Variants in CHRM3 observed in about 807,000 individuals in gnomAD.
CHRM3 encodes the protein cholinergic receptor muscarinic 3.
CHRM3 carries 11 observed loss-of-function variants against 41.8 expected under a neutral mutation model. That is an observed-to-expected ratio of 0.26 (90% confidence interval 0.17 to 0.44). The LOEUF (loss-of-function observed/expected upper bound fraction) is 0.44. Among genes scored for constraint, CHRM3 ranks in the 20% least tolerant of loss-of-function variants. The pLI, the probability that CHRM3 is intolerant of heterozygous loss-of-function variation, is 1.00. For synonymous variants in CHRM3, 297 were observed against 301.4 expected (o/e 0.99, Z 0.15); for missense variants, 571 against 745.4 (o/e 0.77, Z 2.72).
intron 2 of CHRM3, among the ~76,000 whole-genome samples, chr1:239,539,440 T>C (rs1658521804): frequency 6.6e-6 from 1 of 152,148 alleles, no homozygotes; most frequent in Admixed American, 6.5e-5. Flanking sequence ...GTCTCAGCCG[T>C]CACTCTTATC....
intron 3 of CHRM3, among the ~76,000 whole-genome samples, chr1:239,556,563 A>G (rs1660373696): frequency 1.3e-5 from 2 of 152,166 alleles, no homozygotes; most frequent in Admixed American, 1.3e-4. Context: ...CCAAAGTACT[A>G]ACAACCTGCA....
chr1:239,451,665 A>G (rs1367835654), intron 1 of CHRM3, among the ~76,000 whole-genome samples: 2 of 152,218 alleles, frequency 1.3e-5, no homozygotes, highest in Non-Finnish European at 2.9e-5. Context: ...CTTTAATAAG[A>G]TATTTTAAAT....
chr1:239,886,018 A>G (rs1179914292), intron 6 of CHRM3: 5 of 152,198 alleles, frequency 3.3e-5, no homozygotes, highest in Admixed American at 3.3e-4. Context: ...GATCAACCAC[A>G]TTCTGTTAAA....
chr1:239,788,586 T>G (rs1222296347), intron 5 of CHRM3, among the ~76,000 whole-genome samples: 1 of 151,980 alleles, frequency 6.6e-6, no homozygotes, highest in Admixed American at 6.6e-5. Flanking sequence ...AGCAACATGG[T>G]GAAACCCCAT....
In CHRM3 at chr1:239,731,201, T is replaced by C. The variant is rs534435419; in HGVS notation, c.-147+52913T>C. Among the ~76,000 whole-genome samples, 12 of 151,974 alleles carry C rather than the reference T, an allele frequency of 7.9e-5. No homozygotes were observed. In the South Asian group the frequency reaches 2.3e-3, roughly 29 times the overall value. ...CAGATAGCCAGTAGACAGTTGAATGTGCACTTCTGTTAGGTAAGAAAAACG... is the reference window on the plus strand; with the variant it reads ...CAGATAGCCAGTAGACAGTTGAATGCGCACTTCTGTTAGGTAAGAAAAACG... On this transcript the variant is annotated intron_variant, in intron 5 of 6. Transcript: ENST00000676153.
chr1:239,724,342 A>G (rs1553374135), intron 5 of CHRM3, among the ~76,000 whole-genome samples: 2 of 151,962 alleles, frequency 1.3e-5, no homozygotes, highest in Non-Finnish European at 2.9e-5. Context: ...GCAAAGTGAT[A>G]ATATCTTTGT....
intron 5 of CHRM3, among the ~76,000 whole-genome samples, chr1:239,809,112 C>T (rs950676180): frequency 1.4e-4 from 21 of 151,516 alleles, no homozygotes; most frequent in African/African-American, 1.2e-4. Flanking sequence ...CTCCGCCTCC[C>T]GGGTTCACAC....
At chr1:239,723,690 C>T (rs1306520748) in intron 5 of CHRM3, among the ~76,000 whole-genome samples, 3 of 151,882 alleles carry the variant, frequency 2.0e-5, no homozygotes, top group Admixed American at 6.6e-5. Context: ...ATATAATCCC[C>T]ATCATTTGGG....
intron 1 of CHRM3, among the ~76,000 whole-genome samples, chr1:239,476,590 G>A (rs145398175): frequency 8.5e-5 from 13 of 152,080 alleles, no homozygotes; most frequent in African/African-American, 3.1e-4. Context: ...CCCTGAGAAA[G>A]AGCTCTCCCT....
At chr1:239,653,606 C>T (rs112673074) in intron 4 of CHRM3, among the ~76,000 whole-genome samples, 177 of 152,254 alleles carry the variant, frequency 1.2e-3, no homozygotes, top group African/African-American at 4.0e-3. Context: ...TTTTCAAAAA[C>T]GGTCTGAACT....
In CHRM3 at chr1:239,642,053, G is replaced by T. The variant is rs1374585274; in HGVS notation, c.-250+9767G>T. Among the ~76,000 whole-genome samples, 2 of 127,230 alleles carry T rather than the reference G, an allele frequency of 1.6e-5. 1 individual carries two copies. Among genetic ancestry groups the T allele is most frequent in the East Asian group, 4.1e-4 (2 of 4,886 alleles). 83.5% of individuals were successfully genotyped at this position (127,230 alleles called of 152,430 possible). A position where few individuals can be genotyped will look rare whatever the true frequency, so the allele number is the denominator to read the frequency against. On this transcript the variant is annotated intron_variant, in intron 4 of 6. Coordinates refer to ENST00000676153, the MANE Select transcript of CHRM3 (RefSeq NM_001375978.1). ...TTAGTTTGGCTGGATATGAAATTCT[G>T]GGTTGAAAATTCTTTTCTTTAAGAA... is the stretch of plus-strand genomic sequence containing the variant.
intron 1 of CHRM3, among the ~76,000 whole-genome samples, chr1:239,424,171 G>A (rs1031999667): frequency 6.6e-6 from 1 of 151,408 alleles, no homozygotes; most frequent in African/African-American, 2.4e-5. Context: ...CATAGATTTC[G>A]GCCACACATC....
intron 6 of CHRM3, among the ~76,000 whole-genome samples, chr1:239,864,079 GA>G (rs560580967): frequency 1.5e-3 from 184 of 125,732 alleles, no homozygotes; most frequent in Middle Eastern, 4.5e-3. Context: ...CTTGATTTAA[GA>G]AAAAAAAAAA....
intron 5 of CHRM3, among the ~76,000 whole-genome samples, chr1:239,753,184 C>G (rs1180936137): frequency 1.3e-5 from 2 of 152,046 alleles, no homozygotes; most frequent in African/African-American, 4.8e-5. Flanking sequence ...GACTTCAGGT[C>G]AAACGTATAG....
chr1:239,800,966 A>G (rs1670168432), intron 5 of CHRM3, among the ~76,000 whole-genome samples: 1 of 151,960 alleles, frequency 6.6e-6, no homozygotes, highest in Non-Finnish European at 1.5e-5. Context: ...CCTCCAGAGG[A>G]TGCATTTCTT....
intron 6 of CHRM3, among the ~76,000 whole-genome samples, chr1:239,894,444 A>G (rs1355669684): frequency 1.3e-5 from 2 of 151,892 alleles, no homozygotes; most frequent in South Asian, 4.2e-4. Context: ...ATTTATTTTT[A>G]TTTTTTGAGA....
At position 239,874,950 on chromosome 1, in the gene CHRM3, C is replaced by T. The variant is rs1676994722; in HGVS notation, c.-19-32483C>T. On this transcript the variant is annotated intron_variant, in intron 6 of 6. Transcript: ENST00000676153. ...TCAGCCTCAGGTGATCCGCCCACCT[C>T]AGCCTCCCAAAGTGCTGGGATTACA... Among the ~76,000 whole-genome samples the T allele has an allele frequency of 1.3e-5, 2 of 152,112 alleles. 1 individual carries two copies. The highest frequency in any genetic ancestry group is 4.1e-4 in the South Asian group (2 of 4,830).
At chr1:239,874,301 ATAT>A (rs931361895) in intron 6 of CHRM3, among the ~76,000 whole-genome samples, 1 of 123,838 alleles carries the variant, frequency 8.1e-6, no homozygotes, top group African/African-American at 3.7e-5. Flanking sequence ...ATATATATAT[ATAT>A]ATATATATAT....
At chr1:239,411,244 C>T (rs751358124) in intron 1 of CHRM3, among the ~76,000 whole-genome samples, 2 of 152,120 alleles carry the variant, frequency 1.3e-5, no homozygotes, top group Non-Finnish European at 2.9e-5. Context: ...GTGGGGCCTG[C>T]AACATGTCAG....
Sources: gnomAD v4.1 joint callset for allele counts (sites outside exome capture counted in the v4.1 genomes callset) on GRCh38, gnomAD v4.1.1 for gene constraint, MANE v1.5 for transcripts, NCBI Gene and HGNC (gene_info 2026-07-23, HGNC 2026-07-21) for gene names.